Variants in GPR174 observed in about 807,000 individuals in gnomAD.
The protein encoded by GPR174 is probable G protein-coupled receptor 174.
In GPR174, 8 loss-of-function variants were observed where a neutral mutation model predicts 16.5. The ratio of observed to expected loss-of-function variants is 0.48; its 90% CI spans 0.28 to 0.87. GPR174 has a LOEUF of 0.87. Among genes scored for constraint, GPR174 ranks in the 40% least tolerant of loss-of-function variants. The pLI is 0.09. For synonymous variants in GPR174, 111 were observed against 94.8 expected (o/e 1.17, Z -0.99); for missense variants, 214 against 247.5 (o/e 0.86, Z 0.91).
chrX:79,150,828 G>T (rs1926587301), intron 1 of GPR174, among the ~76,000 whole-genome samples: 1 of 111,323 alleles, frequency 9.0e-6, no homozygotes, highest in Admixed American at 9.6e-5. Flanking sequence ...ACATCTCCGG[G>T]AGTTCAGTCT....
chrX:79,156,694 T>C (rs1283292428), intron 1 of GPR174, 128 bp from the exon 2 acceptor site: 1 of 112,280 alleles, frequency 8.9e-6, no homozygotes, highest in African/African-American at 3.2e-5. Context: ...AGTGTAACTC[T>C]CTATACTCTC....
At chrX:79,160,304 A>G (rs1921206348) in intron 2 of GPR174, among the ~76,000 whole-genome samples, 1 of 111,638 alleles carries the variant, frequency 9.0e-6, no homozygotes, top group South Asian at 3.8e-4. Flanking sequence ...CACCCGTAAA[A>G]TTATTCTAAA....
chrX:79,153,620 G>GA (rs1241248238), intron 1 of GPR174, among the ~76,000 whole-genome samples: 3 of 111,264 alleles, frequency 2.7e-5, no homozygotes, highest in African/African-American at 6.5e-5. Flanking sequence ...TACCATTGTA[G>GA]AAAAAAACAA....
intron 1 of GPR174, among the ~76,000 whole-genome samples, chrX:79,146,842 C>T (rs1926508931): frequency 9.0e-6 from 1 of 111,432 alleles, no homozygotes; most frequent in African/African-American, 3.3e-5. Context: ...CAAAGAAACA[C>T]ACCTTCTGCA....
chrX:79,167,999 G>A (rs1921418194), intron 2 of GPR174, among the ~76,000 whole-genome samples: 2 of 111,972 alleles, frequency 1.8e-5, no homozygotes, highest in Admixed American at 9.4e-5. Context: ...GGCAAAACTG[G>A]TGAATTTCCT....
At chrX:79,168,968 A>G (rs1329649843) in intron 2 of GPR174, among the ~76,000 whole-genome samples, 3 of 111,467 alleles carry the variant, frequency 2.7e-5, no homozygotes, top group African/African-American at 9.8e-5. Context: ...ATATTGCTGG[A>G]AAATACTTTT....
At chrX:79,156,732 A>T (rs778251376) in intron 1 of GPR174, 90 bp from the exon 2 acceptor site, 1 of 112,038 alleles carries the variant, frequency 8.9e-6, no homozygotes, top group Admixed American at 9.5e-5. Flanking sequence ...GATTTTTGGG[A>T]TCTCAGCATC....
intron 1 of GPR174, among the ~76,000 whole-genome samples, chrX:79,154,141 C>T (rs1413432335): frequency 9.0e-6 from 1 of 111,076 alleles, no homozygotes; most frequent in Non-Finnish European, 1.9e-5. Context: ...TGTTGAATTA[C>T]TCCATACATA....
Position 79,173,113 on chromosome X carries a change from A to C in GPR174, c.*1104A>C, listed in dbSNP as rs1281444296. The C allele has an allele frequency of 8.9e-6, 1 of 112,022 alleles. No homozygotes were observed. The highest frequency in any genetic ancestry group is 1.9e-5 in the Non-Finnish European group (1 of 53,178). 9.2% of individuals were successfully genotyped at this position (112,022 alleles called of 1,213,427 possible). On this transcript the variant is annotated 3_prime_UTR_variant, in exon 3 of 3. Coordinates refer to ENST00000645147, the MANE Select transcript of GPR174 (RefSeq NM_032553.3). The stretch of plus-strand genomic sequence containing the variant: ...CAAGTTACTTACACAAGCCAGAGTA[A>C]GTCTCTCTGCCCCATCATTGCATAC...
Position 79,171,737 on chromosome X carries a change from G to T in GPR174, c.730G>T (p.Ala244Ser). 1 of 1,211,347 alleles carries T rather than the reference G, an allele frequency of 8.3e-7. No homozygotes were observed. The highest frequency in any genetic ancestry group is 1.8e-5 in the South Asian group (1 of 56,973). Residue 244 changes from alanine (A) to serine (S), a missense_variant, in exon 3 of 3, where the codon GCA becomes TCA. Ala to Ser is a moderately conservative substitution (Grantham distance 99, BLOSUM62 1). Coordinates refer to ENST00000645147, the MANE Select transcript of GPR174 (RefSeq NM_032553.3). The stretch of plus-strand genomic sequence containing the variant: ...TGCAGGGGTATTCCTAATTTGCTTT[G>T]CACCTTATCATTTCAGTTTTCCTTT... The part of the protein sequence containing the change: ...TCAGVFLICF[A>S]PYHFSFPLDF...
At chrX:79,150,552 T>C (rs1311086964) in intron 1 of GPR174, among the ~76,000 whole-genome samples, 1 of 111,820 alleles carries the variant, frequency 8.9e-6, no homozygotes, top group Non-Finnish European at 1.9e-5. Context: ...TTCTAAGAAG[T>C]GGTGATCAGT....
At chrX:79,155,848 A>G (rs892487462) in intron 1 of GPR174, among the ~76,000 whole-genome samples, 1 of 111,463 alleles carries the variant, frequency 9.0e-6, no homozygotes, top group Non-Finnish European at 1.9e-5. Context: ...GGTGGAAAAT[A>G]TTTCATTGGA....
At chrX:79,159,691 A>C in intron 2 of GPR174, among the ~76,000 whole-genome samples, 1 of 111,885 alleles carries the variant, frequency 8.9e-6, no homozygotes, top group East Asian at 2.8e-4. Flanking sequence ...TTTGCCTACT[A>C]TAAATCATGC....
chrX:79,166,432 C>CTTTTTTTTTTTTTTTTTTTTTTT (rs1174620976), intron 2 of GPR174, among the ~76,000 whole-genome samples: 11 of 43,623 alleles, frequency 2.5e-4, no homozygotes, highest in African/African-American at 5.0e-4. Flanking sequence ...TTTCTTTTTT[C>CTTTTTTTTTTTTTTTTTTTTTTT]TTTTTTTTTT....
In GPR174 at chrX:79,172,399, A is replaced by T. The variant is rs1921540756; in HGVS notation, c.*390A>T. ...TACTGAGTCTTTATGTTCAGAGGAA[A>T]TGTAAGTGTCTTTTTATATTAGTAA... is the stretch of plus-strand genomic sequence containing the variant. On this transcript the variant is annotated 3_prime_UTR_variant, in exon 3 of 3. Coordinates refer to ENST00000645147, the MANE Select transcript of GPR174 (RefSeq NM_032553.3). 1 of 137,279 alleles carries T rather than the reference A, an allele frequency of 7.3e-6. No homozygotes were observed. The highest frequency in any genetic ancestry group is 3.1e-5 in the African/African-American group (1 of 31,791). 11.3% of individuals were successfully genotyped at this position (137,279 alleles called of 1,213,427 possible).
chrX:79,168,234 T>G (rs767612042), intron 2 of GPR174, among the ~76,000 whole-genome samples: 1 of 111,740 alleles, frequency 8.9e-6, no homozygotes, highest in Non-Finnish European at 1.9e-5. Flanking sequence ...TTGCAGTCAC[T>G]TGCAGCACAC....
At chrX:79,164,837 T>A (rs1039135168) in intron 2 of GPR174, among the ~76,000 whole-genome samples, 4 of 111,186 alleles carry the variant, frequency 3.6e-5, no homozygotes, top group Non-Finnish European at 5.7e-5. Flanking sequence ...TTATTTTCAA[T>A]TATCTGGAAT....
Position 79,174,700 on chromosome X carries a change from TC to T in GPR174, c.*2693del, listed in dbSNP as rs1373368918. The T allele has an allele frequency of 2.7e-5, 3 of 111,469 alleles. No individual in the cohort carries two copies. The highest frequency in any genetic ancestry group is 9.8e-5 in the African/African-American group (3 of 30,603). 9.2% of individuals were successfully genotyped at this position (111,469 alleles called of 1,213,427 possible). On this transcript the variant is annotated 3_prime_UTR_variant, in exon 3 of 3. Coordinates refer to ENST00000645147, the MANE Select transcript of GPR174 (RefSeq NM_032553.3). ...TCACCTTCTTTTCATTTTGCCTCTC[TC>T]CTTTCCTACGTTGGGCCTGATTTTC... is the stretch of plus-strand genomic sequence containing the variant.
Position 79,171,457 on chromosome X carries a change from A to G in GPR174, c.450A>G (p.Val150=). 2 of 1,210,062 alleles carry G rather than the reference A, an allele frequency of 1.7e-6. No homozygotes were observed. The highest frequency in any genetic ancestry group is 4.4e-5 in the Admixed American group (2 of 45,897). ...GGCTGATCATCTGCCTTGCCTGTGT[A>G]CTCTTTCCACTCCTCAGAACCAGTG... is the stretch of plus-strand genomic sequence containing the variant. ...AGWLIICLAC[V]LFPLLRTSDD... Residue 150 remains valine, a synonymous_variant, in exon 3 of 3, where the codon GTA becomes GTG. Transcript: ENST00000645147.
Sources: gnomAD v4.1 joint callset for allele counts (sites outside exome capture counted in the v4.1 genomes callset) on GRCh38, gnomAD v4.1.1 for gene constraint, MANE v1.5 for transcripts, NCBI Gene and HGNC (gene_info 2026-07-23, HGNC 2026-07-21) for gene names.